The following ANKRD33B variants were observed in gnomAD, a reference collection of about 807,000 sequenced individuals.
ANKRD33B encodes the protein ankyrin repeat domain 33B, also known as ankyrin repeat domain-containing protein 33B.
A neutral mutation model predicts 21.5 loss-of-function variants in ANKRD33B; 6 were observed. That is an observed-to-expected ratio of 0.28 (90% CI 0.15 to 0.55). The LOEUF is 0.55. Ranked by LOEUF, ANKRD33B falls within the 20% of genes least tolerant of loss-of-function variation. ANKRD33B has a pLI of 0.94. For missense variants in ANKRD33B, 698 were observed against 747.2 expected (o/e 0.93, Z 0.77); for synonymous variants, 347 against 342.4 (o/e 1.01, Z -0.15).
At chr5:10,648,754 T>A (rs963281409) in intron 3 of ANKRD33B, among the ~76,000 whole-genome samples, 2 of 152,004 alleles carry the variant, frequency 1.3e-5, no homozygotes, top group Non-Finnish European at 2.9e-5. Context: ...AGTGAAATTC[T>A]GTCTCGAAAA....
chr5:10,581,383 T>G (rs1466342705), intron 1 of ANKRD33B, among the ~76,000 whole-genome samples: 1 of 152,254 alleles, frequency 6.6e-6, no homozygotes, highest in African/African-American at 2.4e-5. Flanking sequence ...CACGGTGGCC[T>G]GGCCCTCTGG....
At chr5:10,646,405 G>A (rs1737190006) in intron 3 of ANKRD33B, among the ~76,000 whole-genome samples, 1 of 152,162 alleles carries the variant, frequency 6.6e-6, no homozygotes, top group African/African-American at 2.4e-5. Flanking sequence ...ACCCTTTACA[G>A]TTGCTTCCTA....
At chr5:10,601,529 G>A (rs1735930443) in intron 1 of ANKRD33B, among the ~76,000 whole-genome samples, 2 of 152,214 alleles carry the variant, frequency 1.3e-5, no homozygotes, top group South Asian at 4.1e-4. Context: ...TCTGGGCCGA[G>A]CCTGGCATTC....
intron 1 of ANKRD33B, among the ~76,000 whole-genome samples, chr5:10,574,671 A>G (rs1579710349): frequency 6.6e-6 from 1 of 152,354 alleles, no homozygotes; most frequent in East Asian, 1.9e-4. Context: ...GATATTTTTG[A>G]CAGTAGCTGT....
chr5:10,649,755 C>T lies in ANKRD33B; in HGVS notation c.1127C>T (p.Ala376Val), dbSNP rs755022324. 7 of 1,444,808 alleles carry T rather than the reference C, an allele frequency of 4.8e-6. No homozygotes were observed. Among genetic ancestry groups the T allele is most frequent in the East Asian group, 5.4e-5 (2 of 36,814 alleles). The allele number at this position is 1,444,808 out of a possible 1,614,324, so 89.5% of individuals were successfully genotyped here. The change falls in exon 4 of 4, where the codon GCG (alanine) becomes GTG (valine). Residue 376 changes from alanine (A) to valine (V), a missense_variant. This residue lies in a region of ANKRD33B where 543 missense variants were observed against 566.5 expected (regional missense o/e 0.96). Coordinates refer to ENST00000296657, the MANE Select transcript of ANKRD33B (RefSeq NM_001164440.2). Reference sequence around the variant, plus strand: ...CGCGGGCGGACCGGACAGGAGGACGCGGACTCCCGGGAGGGCTCCCCGAGA... The same window carrying T: ...CGCGGGCGGACCGGACAGGAGGACGTGGACTCCCGGGAGGGCTCCCCGAGA... ...GQRGRTGQEDADSREGSPRAG... is the reference protein window; with the variant it reads ...GQRGRTGQEDVDSREGSPRAG...
At chr5:10,640,956 G>T (rs1194137370) in intron 3 of ANKRD33B, among the ~76,000 whole-genome samples, 3 of 152,152 alleles carry the variant, frequency 2.0e-5, no homozygotes, top group Non-Finnish European at 4.4e-5. Flanking sequence ...GATTCAGGAG[G>T]GCACAGCCCT....
At chr5:10,611,059 A>G (rs1332762861) in intron 1 of ANKRD33B, among the ~76,000 whole-genome samples, 1 of 152,196 alleles carries the variant, frequency 6.6e-6, no homozygotes, top group Non-Finnish European at 1.5e-5. Context: ...AAATAAATAA[A>G]TAAATAAAAA....
chr5:10,620,180 G>T (rs544819969), intron 2 of ANKRD33B, among the ~76,000 whole-genome samples: 1 of 152,294 alleles, frequency 6.6e-6, no homozygotes, highest in East Asian at 1.9e-4. Context: ...AGGGCTCAGA[G>T]CACAGGGAAG....
intron 1 of ANKRD33B, among the ~76,000 whole-genome samples, chr5:10,611,162 G>A (rs954830769): frequency 6.6e-6 from 1 of 152,170 alleles, no homozygotes; most frequent in Non-Finnish European, 1.5e-5. Flanking sequence ...ACCTCTGGGA[G>A]GGATGGAGAA....
At chr5:10,638,962 GCAC>G in intron 3 of ANKRD33B, among the ~76,000 whole-genome samples, 2 of 107,832 alleles carry the variant, frequency 1.9e-5, no homozygotes, top group Non-Finnish European at 4.3e-5. Flanking sequence ...ACGCGGAGTT[GCAC>G]GGCGATGTTA....
intron 1 of ANKRD33B, among the ~76,000 whole-genome samples, chr5:10,574,439 C>G (rs1184534940): frequency 2.6e-5 from 4 of 151,820 alleles, no homozygotes; most frequent in Non-Finnish European, 4.4e-5. Context: ...TAAATAACTC[C>G]TAGATAAAAT....
chr5:10,581,863 C>G (rs1735451213), intron 1 of ANKRD33B, among the ~76,000 whole-genome samples: 1 of 152,182 alleles, frequency 6.6e-6, no homozygotes, highest in African/African-American at 2.4e-5. Context: ...TTTGGACTTG[C>G]CAGCCCCCAC....
chr5:10,592,115 C>A (rs999811365), intron 1 of ANKRD33B, among the ~76,000 whole-genome samples: 12 of 151,214 alleles, frequency 7.9e-5, no homozygotes, highest in African/African-American at 2.7e-4. Flanking sequence ...GCTCAGTAAT[C>A]AACTTTTCCA....
intron 1 of ANKRD33B, among the ~76,000 whole-genome samples, chr5:10,566,501 T>C (rs1448007898): frequency 1.3e-5 from 2 of 152,204 alleles, no homozygotes; most frequent in Non-Finnish European, 1.5e-5. Flanking sequence ...CCTCTCCCCC[T>C]GTCCTGGGCA....
chr5:10,599,284 C>T (rs189913525), intron 1 of ANKRD33B, among the ~76,000 whole-genome samples: 6 of 152,012 alleles, frequency 3.9e-5, no homozygotes, highest in Admixed American at 2.0e-4. Flanking sequence ...GACAATTCAT[C>T]CATTAAAGTA....
rs565285700 is a variant in ANKRD33B at position 10,649,439 on chromosome 5, C to T, written c.811C>T (p.Arg271Trp). 5 of 1,535,262 alleles carry T rather than the reference C, an allele frequency of 3.3e-6. No individual in the cohort carries two copies. The highest frequency in any genetic ancestry group is 2.7e-5 in the African/African-American group (2 of 73,140). The stretch of plus-strand genomic sequence containing the variant: ...GCTGCCGCCGCCCCCTGAAGCGGCG[C>T]GGAAGCCCGCGGGCTCCAAGAACTG... ...PELPPPPEAA[R>W]KPAGSKNCLQ... Residue 271 changes from arginine (R) to tryptophan (W), a missense_variant, in exon 4 of 4, where the codon CGG becomes TGG. Coordinates refer to ENST00000296657, the MANE Select transcript of ANKRD33B (RefSeq NM_001164440.2).
chr5:10,637,713 ACCTG>A (rs1736904280), intron 2 of ANKRD33B, among the ~76,000 whole-genome samples: 1 of 151,808 alleles, frequency 6.6e-6, no homozygotes, highest in East Asian at 1.9e-4. Flanking sequence ...TGCGCTCCCT[ACCTG>A]CCCGCAGCGT....
intron 1 of ANKRD33B, among the ~76,000 whole-genome samples, chr5:10,566,200 T>C (rs1735052603): frequency 6.6e-6 from 1 of 152,174 alleles, no homozygotes; most frequent in Non-Finnish European, 1.5e-5. Flanking sequence ...CAGTGAGACC[T>C]GAGGTGGCGT....
At position 10,570,448 on chromosome 5, in the gene ANKRD33B, A is replaced by G. The variant is rs553574054; in HGVS notation, c.366+5615A>G. Reference sequence around the variant, plus strand: ...AGCAGGCTGTCTCGGCCTGTTTTCCATGGCAGGGGCAGGGTTCCAGGAGAG... The same window carrying G: ...AGCAGGCTGTCTCGGCCTGTTTTCCGTGGCAGGGGCAGGGTTCCAGGAGAG... On this transcript the variant is annotated intron_variant, in intron 1 of 3. Transcript: ENST00000296657. 8.6e-5 allele frequency among the ~76,000 whole-genome samples: 13 copies of G among 150,854 alleles called. No individual in the cohort carries two copies. In the East Asian group the frequency reaches 1.6e-3, roughly 19 times the overall value.
Sources: allele counts gnomAD v4.1 joint callset (sites outside exome capture counted in the v4.1 genomes callset), GRCh38; gene constraint gnomAD v4.1.1; regional missense constraint gnomAD v4.1.1; transcripts MANE v1.5; gene names NCBI Gene and HGNC (gene_info 2026-07-23, HGNC 2026-07-21).